Variants in PPARGC1B observed in about 807,000 individuals in gnomAD.
PPARGC1B encodes PPARG coactivator 1 beta, also known as peroxisome proliferator-activated receptor gamma coactivator 1-beta.
PPARGC1B carries 34 observed loss-of-function variants against 101.6 expected under a neutral mutation model. The ratio of observed to expected loss-of-function variants is 0.33; its 90% CI spans 0.25 to 0.45. The LOEUF is 0.45. Ranked by LOEUF, PPARGC1B falls within the 20% of genes least tolerant of loss-of-function variation. The pLI is 1.00. For synonymous variants in PPARGC1B, 548 were observed against 539.3 expected (o/e 1.02, Z -0.22); for missense variants, 1,234 against 1,317.6 (o/e 0.94, Z 0.98).
At position 149,845,571 on chromosome 5, in the gene PPARGC1B, A is replaced by G. The variant is rs1161678137; in HGVS notation, c.2817-189A>G. On this transcript the variant is annotated intron_variant, in intron 10 of 11. Coordinates refer to ENST00000309241, the MANE Select transcript of PPARGC1B (RefSeq NM_133263.4). ...GGCCAACACCTGGCAGACATTCAAC[A>G]TATTAGCTGCTTTCATTATTACCAC... 8 of 594,290 alleles carry G rather than the reference A, an allele frequency of 1.3e-5. No individual in the cohort carries two copies. The East Asian group carries it at 2.0e-4, about 15-fold the overall frequency. 36.8% of individuals were successfully genotyped at this position (594,290 alleles called of 1,614,324 possible).
chr5:149,730,530 G>C lies in PPARGC1B; in HGVS notation c.78+110G>C. ...GCGGTGGGAGCCCTGGGGTAACTGG[G>C]GGTTCCAGGCTGCAGAGCCCCCCTT... On this transcript the variant is annotated intron_variant, in intron 1 of 11. Coordinates refer to ENST00000309241, the MANE Select transcript of PPARGC1B (RefSeq NM_133263.4). The surrounding 1 kb of genome is among the most constrained non-coding windows in gnomAD (Gnocchi z 4.0). 1 of 854,204 alleles carries C rather than the reference G, an allele frequency of 1.2e-6. No individual in the cohort carries two copies. The highest frequency in any genetic ancestry group is 2.0e-5 in the South Asian group (1 of 50,206). 52.9% of individuals were successfully genotyped at this position (854,204 alleles called of 1,614,324 possible). A position where few individuals can be genotyped will look rare whatever the true frequency, so the allele number is the denominator to read the frequency against.
At position 149,851,281 on chromosome 5, in the gene PPARGC1B, G is replaced by A. The variant is rs1325053124; in HGVS notation, c.*3723G>A. 1 of 152,228 alleles carries A rather than the reference G, an allele frequency of 6.6e-6. No individual in the cohort carries two copies. Among genetic ancestry groups the A allele is most frequent in the Admixed American group, 6.5e-5 (1 of 15,282 alleles). The allele number at this position is 152,228 out of a possible 1,614,324, so 9.4% of individuals were successfully genotyped here. ...GGCCCACTGGGGCTGCTGTGCAGTG[G>A]TGAGTAAAAGGGCAGGGAAGGCATG... On this transcript the variant is annotated 3_prime_UTR_variant, in exon 12 of 12. Coordinates refer to ENST00000309241, the MANE Select transcript of PPARGC1B (RefSeq NM_133263.4).
intron 1 of PPARGC1B, among the ~76,000 whole-genome samples, chr5:149,760,244 G>C (rs1387985379): frequency 6.6e-6 from 1 of 152,194 alleles, no homozygotes; most frequent in Non-Finnish European, 1.5e-5. Flanking sequence ...GTGGACAGCA[G>C]AGGGCTCTGG....
intron 1 of PPARGC1B, among the ~76,000 whole-genome samples, chr5:149,808,279 C>A (rs1757675098): frequency 6.6e-6 from 1 of 152,166 alleles, no homozygotes; most frequent in South Asian, 2.1e-4. Context: ...CCAGCTCCAC[C>A]TCCCAATTTC....
intron 2 of PPARGC1B, among the ~76,000 whole-genome samples, chr5:149,826,350 C>G (rs1357842541): frequency 2.0e-5 from 3 of 152,116 alleles, no homozygotes; most frequent in Non-Finnish European, 4.4e-5. Flanking sequence ...AGGCGTCACT[C>G]AGGTGGACAG....
chr5:149,830,164 C>T (rs1291431931), intron 3 of PPARGC1B, among the ~76,000 whole-genome samples: 4 of 151,130 alleles, frequency 2.6e-5, no homozygotes, highest in African/African-American at 9.7e-5. Context: ...AGTGGAGTTG[C>T]CTCTAGGAGG....
At chr5:149,765,338 A>G (rs904342270) in intron 1 of PPARGC1B, among the ~76,000 whole-genome samples, 14 of 152,226 alleles carry the variant, frequency 9.2e-5, no homozygotes, top group Non-Finnish European at 1.9e-4. Flanking sequence ...GCCTCTCTCC[A>G]GGACCCCGAG....
intron 6 of PPARGC1B, 62 bp from the exon 7 acceptor site, chr5:149,835,239 G>A (rs200049670): frequency 1.8e-5 from 26 of 1,460,978 alleles, no homozygotes; most frequent in East Asian, 1.4e-4. Flanking sequence ...TTTCATGGGC[G>A]GGGAGGTGGA....
At position 149,783,091 on chromosome 5, in the gene PPARGC1B, A is replaced by AAGAGAGAGAG. The variant is rs56799682; in HGVS notation, c.79-37332_79-37323dup. 1.7e-3 allele frequency among the ~76,000 whole-genome samples: 258 copies of AAGAGAGAGAG among 150,040 alleles called. 1 individual carries two copies. The highest frequency in any genetic ancestry group is 5.3e-3 in the African/African-American group (215 of 40,738). ...TGATGTCACACTGGAATGAGAGATA[A>AAGAGAGAGAG]AGAGAGAGAGAGAGAGAGATTGTTG... On this transcript the variant is annotated intron_variant, in intron 1 of 11. Coordinates refer to ENST00000309241, the MANE Select transcript of PPARGC1B (RefSeq NM_133263.4).
chr5:149,828,213 A>T (rs1023007584), intron 3 of PPARGC1B, among the ~76,000 whole-genome samples: 19 of 152,328 alleles, frequency 1.2e-4, no homozygotes, highest in African/African-American at 4.3e-4. Flanking sequence ...CCACCATGCC[A>T]GGCACAGAAT....
intron 1 of PPARGC1B, among the ~76,000 whole-genome samples, chr5:149,769,984 C>T (rs187535083): frequency 2.9e-4 from 44 of 152,208 alleles, no homozygotes; most frequent in Admixed American, 1.5e-3. Flanking sequence ...GTAGTATCTT[C>T]TCAGGTTTGG....
chr5:149,821,540 C>A (rs879474104), intron 2 of PPARGC1B, among the ~76,000 whole-genome samples: 2 of 152,158 alleles, frequency 1.3e-5, no homozygotes, highest in Non-Finnish European at 2.9e-5. Context: ...AATTTTCTCC[C>A]TCATAAAGAT....
intron 1 of PPARGC1B, among the ~76,000 whole-genome samples, chr5:149,755,339 A>C (rs1040586002): frequency 6.6e-6 from 1 of 151,054 alleles, no homozygotes; most frequent in South Asian, 2.1e-4. Context: ...CATTCCTCCC[A>C]CCTTTGCCTC....
intron 1 of PPARGC1B, among the ~76,000 whole-genome samples, chr5:149,738,224 GAATA>G (rs1414786448): frequency 6.6e-6 from 1 of 151,820 alleles, no homozygotes; most frequent in Non-Finnish European, 1.5e-5. Context: ...TCAGTGCCTG[GAATA>G]TAACAGACAT....
At chr5:149,780,930 G>A (rs1581045739) in intron 1 of PPARGC1B, among the ~76,000 whole-genome samples, 1 of 152,236 alleles carries the variant, frequency 6.6e-6, no homozygotes, top group East Asian at 1.9e-4. Flanking sequence ...CCGGCAGGGC[G>A]CGGTGGCTCA....
chr5:149,803,550 C>T (rs1757499950), intron 1 of PPARGC1B, among the ~76,000 whole-genome samples: 1 of 152,140 alleles, frequency 6.6e-6, no homozygotes, highest in Non-Finnish European at 1.5e-5. Context: ...GACAAAACAC[C>T]TCCTTGTTCT....
rs1195859976 is a variant in PPARGC1B, at chr5:149,730,997, G to A, written c.78+577G>A. Among the ~76,000 whole-genome samples the A allele has an allele frequency of 6.6e-6, 1 of 152,266 alleles. No individual in the cohort carries two copies. The highest frequency in any genetic ancestry group is 2.1e-4 in the South Asian group (1 of 4,836). On this transcript the variant is annotated intron_variant, in intron 1 of 11. Coordinates refer to ENST00000309241, the MANE Select transcript of PPARGC1B (RefSeq NM_133263.4). The surrounding 1 kb of genome is among the most constrained non-coding windows in gnomAD (Gnocchi z 4.0). The stretch of plus-strand genomic sequence containing the variant: ...GGGTCTGCGGGGCACGTGGACATGC[G>A]GGCGGAGACAGCGTCTTCCTGGTTT...
At chr5:149,810,520 A>G (rs764403052) in intron 1 of PPARGC1B, among the ~76,000 whole-genome samples, 1 of 152,242 alleles carries the variant, frequency 6.6e-6, no homozygotes, top group Non-Finnish European at 1.5e-5. Flanking sequence ...CGACACAGCA[A>G]CGAGAGACTT....
At chr5:149,824,175 G>C (rs1033725226) in intron 2 of PPARGC1B, among the ~76,000 whole-genome samples, 27 of 152,178 alleles carry the variant, frequency 1.8e-4, no homozygotes, top group African/African-American at 6.3e-4. Context: ...TCACTACATG[G>C]TTCCTGAGAG....
Sources: gnomAD v4.1 joint callset for allele counts (sites outside exome capture counted in the v4.1 genomes callset) on GRCh38, gnomAD v4.1.1 for gene constraint, Gnocchi (gnomAD v3.1) non-coding constraint, MANE v1.5 for transcripts, NCBI Gene and HGNC (gene_info 2026-07-23, HGNC 2026-07-21) for gene names.